ARHGAP10: variants seen among roughly 807,000 people sequenced by gnomAD.
ARHGAP10 encodes the protein rho GTPase-activating protein 10.
In ARHGAP10, 87 loss-of-function variants were observed where a neutral mutation model predicts 108.6. The ratio of observed to expected loss-of-function variants is 0.80; its 90% CI spans 0.67 to 0.96. ARHGAP10 has a LOEUF of 0.96. Ranked by LOEUF, ARHGAP10 falls within the 40% of genes least tolerant of loss-of-function variation. The pLI, the probability that ARHGAP10 is intolerant of heterozygous loss-of-function variation, is 0.00. For synonymous variants in ARHGAP10, 347 were observed against 341.1 expected (o/e 1.02, Z -0.19); for missense variants, 939 against 954.5 (o/e 0.98, Z 0.21).
At chr4:147,746,715 G>A (rs1298483837) in intron 1 of ARHGAP10, among the ~76,000 whole-genome samples, 1 of 152,116 alleles carries the variant, frequency 6.6e-6, no homozygotes, top group African/African-American at 2.4e-5. Context: ...TAGAAGGTGG[G>A]ATTCATATTC....
intron 7 of ARHGAP10, among the ~76,000 whole-genome samples, chr4:147,870,698 G>C (rs970920587): frequency 2.0e-5 from 3 of 151,874 alleles, no homozygotes; most frequent in Non-Finnish European, 4.4e-5. Flanking sequence ...CAAATTTAAA[G>C]AATATTTTAA....
intron 19 of ARHGAP10, among the ~76,000 whole-genome samples, chr4:148,037,641 C>T (rs934852148): frequency 6.6e-6 from 1 of 152,074 alleles, no homozygotes; most frequent in East Asian, 1.9e-4. Flanking sequence ...TTGAGATCAT[C>T]CTGGCCAACA....
rs1728591839 is a variant in ARHGAP10, at chr4:148,040,651, C to T, written c.1868-6241C>T. Reference sequence around the variant, plus strand: ...GCTGCAGCGCCTGGCCAGAACCCTGCAGGGTTTAAATGTCTAGGTGGTTCT... The same window carrying T: ...GCTGCAGCGCCTGGCCAGAACCCTGTAGGGTTTAAATGTCTAGGTGGTTCT... On this transcript the variant is annotated intron_variant, in intron 19 of 22. Coordinates refer to ENST00000336498, the MANE Select transcript of ARHGAP10 (RefSeq NM_024605.4). Among the ~76,000 whole-genome samples the T allele has an allele frequency of 2.0e-5, 3 of 152,072 alleles. No homozygotes were observed. In the South Asian group the frequency reaches 6.2e-4, roughly 32 times the overall value.
rs62332179 is a variant in ARHGAP10 at position 147,923,369 on chromosome 4, T to C, written c.1228+10230T>C. ...GGCCTGCATGACACCTAGGTGCATG[T>C]ACTGTATGATATGCAAAAACAAAGT... On this transcript the variant is annotated intron_variant, in intron 13 of 22. Transcript: ENST00000336498. 4.3e-3 allele frequency among the ~76,000 whole-genome samples: 659 copies of C among 152,358 alleles called. 3 individuals carry two copies. Among genetic ancestry groups the C allele is most frequent in the Non-Finnish European group, 7.7e-3 (523 of 68,034 alleles).
At chr4:147,858,665 T>C (rs919791902) in intron 5 of ARHGAP10, among the ~76,000 whole-genome samples, 3 of 152,228 alleles carry the variant, frequency 2.0e-5, no homozygotes, top group Non-Finnish European at 4.4e-5. Context: ...TCTCTCCTTG[T>C]TGCATATTAT....
chr4:147,996,783 G>A (rs1199277360), intron 18 of ARHGAP10, among the ~76,000 whole-genome samples: 1 of 152,194 alleles, frequency 6.6e-6, no homozygotes, highest in East Asian at 1.9e-4. Flanking sequence ...GTGAAATGAG[G>A]TCATGAAGGT....
chr4:147,987,590 T>C (rs546248627), intron 18 of ARHGAP10, among the ~76,000 whole-genome samples: 209 of 152,216 alleles, frequency 1.4e-3, no homozygotes, highest in Non-Finnish European at 2.5e-3. Context: ...GGTCTGCTGC[T>C]GACACAGAGC....
At chr4:147,800,290 T>C (rs1260934515) in intron 1 of ARHGAP10, among the ~76,000 whole-genome samples, 1 of 152,216 alleles carries the variant, frequency 6.6e-6, no homozygotes, top group African/African-American at 2.4e-5. Flanking sequence ...CTTGTTGAGA[T>C]GGAATCTCTC....
chr4:148,020,892 GT>G (rs1209127584), intron 18 of ARHGAP10, among the ~76,000 whole-genome samples: 1 of 152,106 alleles, frequency 6.6e-6, no homozygotes. Flanking sequence ...TTCCACAGTG[GT>G]TGAACTCATT....
At chr4:147,881,970 GT>G (rs1474378736) in intron 10 of ARHGAP10, 38 bp downstream of exon 10, 1 of 1,582,402 alleles carries the variant, frequency 6.3e-7, no homozygotes, top group Non-Finnish European at 8.6e-7. Context: ...TGAAAGAGTC[GT>G]TTTAAAAAAA....
intron 1 of ARHGAP10, among the ~76,000 whole-genome samples, chr4:147,814,888 G>C (rs1021364133): frequency 3.3e-5 from 5 of 152,206 alleles, no homozygotes; most frequent in Non-Finnish European, 7.4e-5. Context: ...GGTTCTGGGG[G>C]TTTGGATTTC....
chr4:147,802,810 A>G (rs1731634865), intron 1 of ARHGAP10, among the ~76,000 whole-genome samples: 1 of 151,904 alleles, frequency 6.6e-6, no homozygotes. Flanking sequence ...AATCTTGAAG[A>G]CTCCTTATCC....
chr4:147,995,549 A>AAAACAGATATC (rs1740440352), intron 18 of ARHGAP10, among the ~76,000 whole-genome samples: 1 of 152,196 alleles, frequency 6.6e-6, no homozygotes, highest in South Asian at 2.1e-4. Context: ...ATTATTATCT[A>AAAACAGATATC]AAACAGATAT....
intron 20 of ARHGAP10, among the ~76,000 whole-genome samples, chr4:148,053,180 A>G (rs1729219271): frequency 6.6e-6 from 1 of 152,178 alleles, no homozygotes; most frequent in African/African-American, 2.4e-5. Context: ...CACAAGCAGT[A>G]AAGGACAGGT....
intron 18 of ARHGAP10, among the ~76,000 whole-genome samples, chr4:148,005,025 C>A (rs1212689864): frequency 4.6e-5 from 7 of 152,176 alleles, no homozygotes; most frequent in Admixed American, 4.6e-4. Flanking sequence ...TCTCACTCTG[C>A]ATTAAATTTA....
intron 13 of ARHGAP10, among the ~76,000 whole-genome samples, chr4:147,936,733 C>G (rs1737965778): frequency 6.6e-6 from 1 of 152,118 alleles, no homozygotes; most frequent in Admixed American, 6.5e-5. Flanking sequence ...TAAGGGCTAG[C>G]CTTTGCTCTT....
chr4:147,777,420 G>A (rs1010330168), intron 1 of ARHGAP10, among the ~76,000 whole-genome samples: 35 of 151,956 alleles, frequency 2.3e-4, no homozygotes, highest in African/African-American at 8.2e-4. Flanking sequence ...CACCATGCCT[G>A]GCTAATTTTT....
intron 18 of ARHGAP10, among the ~76,000 whole-genome samples, chr4:148,007,043 A>C (rs1578784113): frequency 6.6e-6 from 1 of 152,216 alleles, no homozygotes; most frequent in Non-Finnish European, 1.5e-5. Context: ...AATTGCCTGT[A>C]GGTGCGGTGG....
At position 147,732,314 on chromosome 4, in the gene ARHGAP10, C is replaced by A. The variant is rs779743129; in HGVS notation, c.13C>A (p.Pro5Thr). Reference protein sequence around the residue: MGLQPLEFSDCYLDS... With the variant: MGLQTLEFSDCYLDS... ...GACCGCTGCCGTCATGGGGCTGCAG[C>A]CCCTGGAGTTCAGCGACTGCTACCT... is the stretch of plus-strand genomic sequence containing the variant. The change falls in exon 1 of 23, where the codon CCC (proline) becomes ACC (threonine). Residue 5 changes from proline to threonine, a missense_variant. Transcript: ENST00000336498. The A allele has an allele frequency of 6.2e-7, 1 of 1,611,938 alleles. No homozygotes were observed. Among genetic ancestry groups the A allele is most frequent in the South Asian group, 1.1e-5 (1 of 90,886 alleles).
Sources: allele counts gnomAD v4.1 joint callset (sites outside exome capture counted in the v4.1 genomes callset), GRCh38; gene constraint gnomAD v4.1.1; transcripts MANE v1.5; gene names NCBI Gene and HGNC (gene_info 2026-07-23, HGNC 2026-07-21).